NPLOC4: variants seen among roughly 807,000 people sequenced by gnomAD.
NPLOC4 encodes the protein nuclear protein localization protein 4 homolog.
Under a neutral mutation model 80.6 loss-of-function variants are expected in NPLOC4, and 18 were observed. The observed-to-expected ratio is 0.22, with a 90% CI of 0.15 to 0.33. The LOEUF (loss-of-function observed/expected upper bound fraction) is 0.33, where lower values mean the gene tolerates loss of function less well. Among genes scored for constraint, NPLOC4 ranks in the 10% least tolerant of loss-of-function variants. The probability of loss-of-function intolerance (pLI) is 1.00; values close to 1 mark genes in which losing one functional copy is unlikely to be tolerated. For synonymous variants in NPLOC4, 313 were observed against 301.5 expected, an observed-to-expected ratio of 1.04 and a Z score of -0.39; for missense variants, 540 against 786.1, an observed-to-expected ratio of 0.69 and a Z score of 3.74.
intron 13 of NPLOC4, 125 bp from the exon 14 acceptor site, chr17:81,569,236 C>T: frequency 1.6e-6 from 1 of 643,244 alleles, no homozygotes; most frequent in Non-Finnish European, 2.8e-6. Context: ...GAATGTTCTA[C>T]AAGCTCTCCA....
chr17:81,583,165 C>G (rs1288696903), intron 12 of NPLOC4, among the ~76,000 whole-genome samples: 2 of 152,248 alleles, frequency 1.3e-5, no homozygotes, highest in Non-Finnish European at 2.9e-5. Flanking sequence ...TTGGAAATAT[C>G]TATCAAAACT....
chr17:81,589,108 C>T lies in NPLOC4; in HGVS notation c.1121-4G>A. On this transcript the variant is annotated splice_region_variant and splice_polypyrimidine_tract_variant and intron_variant, in intron 11 of 16. Transcript: ENST00000331134. ...TGGACTTGGTTGTCAGGACCACCTG[C>T]AAGAGAGAGACCTTTAAAAAGAGTC... 1.9e-6 allele frequency: 3 copies of T among 1,611,402 alleles called. No individual in the cohort carries two copies. Among genetic ancestry groups the T allele is most frequent in the Non-Finnish European group, 2.5e-6 (3 of 1,178,500 alleles).
chr17:81,630,237 G>C (rs764292939), intron 1 of NPLOC4, among the ~76,000 whole-genome samples: 1 of 150,682 alleles, frequency 6.6e-6, no homozygotes, highest in Admixed American at 6.6e-5. Flanking sequence ...ACATTAGACA[G>C]TCTTCAAGAG....
chr17:81,604,429 C>G (rs760358634), intron 8 of NPLOC4, 119 bp downstream of exon 8: 2 of 847,776 alleles, frequency 2.4e-6, no homozygotes, highest in Non-Finnish European at 3.6e-6. Context: ...TGCACGTGCA[C>G]CGGTGTGTGA....
intron 8 of NPLOC4, among the ~76,000 whole-genome samples, chr17:81,603,975 T>C (rs2035133615): frequency 6.6e-6 from 1 of 152,066 alleles, no homozygotes; most frequent in Non-Finnish European, 1.5e-5. Flanking sequence ...GTGTAACTAG[T>C]TGGTGGCATA....
At position 81,559,232 on chromosome 17, in the gene NPLOC4, G is replaced by T; in HGVS notation, c.*27C>A. 2 of 1,577,524 alleles carry T rather than the reference G, an allele frequency of 1.3e-6. No homozygotes were observed. Among genetic ancestry groups the T allele is most frequent in the Non-Finnish European group, 1.7e-6 (2 of 1,162,716 alleles). On this transcript the variant is annotated 3_prime_UTR_variant, in exon 17 of 17. Transcript: ENST00000331134. ...CTTCAGGAAGGGCTGGGCTGGGCCC[G>T]GTCCTAGCCAGCAGAGGGCAGGCGC...
In NPLOC4 at chr17:81,603,666, CAT is replaced by C. The variant is rs770099878; in HGVS notation, c.834+880_834+881del. ...TTTAAAGAATTTTACAGTGAATACTCATATACCCACCACTAGATTCACCATGA... is the reference window on the plus strand; with the variant it reads ...TTTAAAGAATTTTACAGTGAATACTCATACCCACCACTAGATTCACCATGA... On this transcript the variant is annotated intron_variant, in intron 8 of 16. Coordinates refer to ENST00000331134, the MANE Select transcript of NPLOC4 (RefSeq NM_017921.4). Among the ~76,000 whole-genome samples, 24 of 152,150 alleles carry C rather than the reference CAT, an allele frequency of 1.6e-4. 1 individual carries two copies. In the South Asian group the frequency reaches 2.5e-3, roughly 16 times the overall value.
At chr17:81,613,520 ATGCCTTCCCT>A (rs1222461445) in intron 3 of NPLOC4, 26 bp from the exon 4 acceptor site, 2 of 1,594,452 alleles carry the variant, frequency 1.3e-6, no homozygotes, top group Admixed American at 1.8e-5. Context: ...ACAGAGGCTG[ATGCCTTCCCT>A]TACCACCTGA....
chr17:81,607,693 G>A (rs764466302), intron 6 of NPLOC4, among the ~76,000 whole-genome samples: 1 of 152,118 alleles, frequency 6.6e-6, no homozygotes, highest in Non-Finnish European at 1.5e-5. Flanking sequence ...ACTGAGAAAG[G>A]CTGACCAAGT....
chr17:81,581,375 A>AAAAAAAAAAAAAAAAAAAAGTC lies in NPLOC4; in HGVS notation c.1281+7568_1281+7569insGACTTTTTTTTTTTTTTTTTTT, dbSNP rs1555680405. ...AAAAAAAAAAAAAAAAAAAAAAAAA[A>AAAAAAAAAAAAAAAAAAAAGTC]AGTTAATAAAATCACCATGTCACAA... On this transcript the variant is annotated intron_variant, in intron 12 of 16. Coordinates refer to ENST00000331134, the MANE Select transcript of NPLOC4 (RefSeq NM_017921.4). Among the ~76,000 whole-genome samples the AAAAAAAAAAAAAAAAAAAAGTC allele has an allele frequency of 3.7e-4, 27 of 72,858 alleles. 7 individuals carry two copies. The highest frequency in any genetic ancestry group is 6.0e-4 in the Non-Finnish European group (21 of 34,990). 47.8% of individuals were successfully genotyped at this position (72,858 alleles called of 152,430 possible).
intron 16 of NPLOC4, among the ~76,000 whole-genome samples, chr17:81,561,236 C>T (rs1233324594): frequency 3.3e-5 from 5 of 152,294 alleles, no homozygotes; most frequent in South Asian, 2.1e-4. Flanking sequence ...GGATTACAGG[C>T]GTGAGCTACC....
chr17:81,603,118 T>C (rs1014825710), intron 8 of NPLOC4, among the ~76,000 whole-genome samples: 4 of 148,820 alleles, frequency 2.7e-5, no homozygotes, highest in African/African-American at 9.9e-5. Context: ...TGAGGCTGCA[T>C]TGAGCCATGA....
chr17:81,636,816 G>C (rs1017529788), intron 1 of NPLOC4, 100 bp downstream of exon 1: 56 of 1,231,518 alleles, frequency 4.5e-5, no homozygotes, highest in Non-Finnish European at 5.6e-5. Flanking sequence ...GAAAGGGGCC[G>C]AGTCGCGGCG....
intron 8 of NPLOC4, among the ~76,000 whole-genome samples, chr17:81,601,644 GC>G (rs1362655779): frequency 6.6e-6 from 1 of 152,188 alleles, no homozygotes; most frequent in African/African-American, 2.4e-5. Flanking sequence ...GCTTCGAAAA[GC>G]AGCATCCTGA....
chr17:81,630,453 AT>A (rs1013919398), intron 1 of NPLOC4, among the ~76,000 whole-genome samples: 26 of 147,264 alleles, frequency 1.8e-4, no homozygotes, highest in Admixed American at 2.0e-4. Flanking sequence ...CACCAGGTTA[AT>A]TTTTTTTTTT....
chr17:81,598,287 C>A (rs1202254518), intron 9 of NPLOC4, among the ~76,000 whole-genome samples: 1 of 152,040 alleles, frequency 6.6e-6, no homozygotes, highest in Non-Finnish European at 1.5e-5. Context: ...GGCCACCCTC[C>A]CTCTGGTGCT....
In NPLOC4 at chr17:81,558,609, T is replaced by G. The variant is rs2033729525; in HGVS notation, c.*650A>C. 6.6e-6 allele frequency: 1 copy of G among 152,190 alleles called. No individual in the cohort carries two copies. Among genetic ancestry groups the G allele is most frequent in the African/African-American group, 2.4e-5 (1 of 41,444 alleles). 9.4% of individuals were successfully genotyped at this position (152,190 alleles called of 1,614,324 possible). A position where few individuals can be genotyped will look rare whatever the true frequency, so the allele number is the denominator to read the frequency against. On this transcript the variant is annotated 3_prime_UTR_variant, in exon 17 of 17. Coordinates refer to ENST00000331134, the MANE Select transcript of NPLOC4 (RefSeq NM_017921.4). ...TAAAAAAAAATAAATAAAAGTCTTC[T>G]GGGCAGGAATTACTGATAACTGTTA...
At chr17:81,559,591 G>T (rs1376722747) in intron 16 of NPLOC4, among the ~76,000 whole-genome samples, 175 bp from the exon 17 acceptor site, 1 of 152,172 alleles carries the variant, frequency 6.6e-6, no homozygotes, top group African/African-American at 2.4e-5. Flanking sequence ...AGTGCTTAAT[G>T]CCCTCAGAAA....
chr17:81,568,553 G>A (rs1295931915), intron 14 of NPLOC4, among the ~76,000 whole-genome samples: 3 of 152,090 alleles, frequency 2.0e-5, no homozygotes, highest in Non-Finnish European at 4.4e-5. Flanking sequence ...ACAGCAAATC[G>A]GACCTGGCCT....
Sources: gnomAD v4.1 joint callset for allele counts (sites outside exome capture counted in the v4.1 genomes callset) on GRCh38, gnomAD v4.1.1 for gene constraint, MANE v1.5 for transcripts, NCBI Gene and HGNC (gene_info 2026-07-23, HGNC 2026-07-21) for gene names.